Variants in CDIN1 observed in about 807,000 individuals in gnomAD.
CDIN1 encodes the protein CDAN1 interacting nuclease 1, also known as CDAN1-interacting nuclease 1.
A neutral mutation model predicts 45.3 loss-of-function variants in CDIN1; 33 were observed. The ratio of observed to expected loss-of-function variants is 0.73; its 90% confidence interval spans 0.55 to 0.97. CDIN1 has a LOEUF of 0.97. Among genes scored for constraint, CDIN1 ranks in the 50% least tolerant of loss-of-function variants. CDIN1 has a pLI of 0.00. For synonymous variants in CDIN1, 118 were observed against 124.4 expected, an observed-to-expected ratio of 0.95 and a Z score of 0.34; for missense variants, 303 against 339.4, an observed-to-expected ratio of 0.89 and a Z score of 0.84.
chr15:36,743,914 A>G (rs1162310148), intron 10 of CDIN1, among the ~76,000 whole-genome samples: 1 of 150,950 alleles, frequency 6.6e-6, no homozygotes. Flanking sequence ...AAAAAAAAAC[A>G]CGAGGCTGTC....
At chr15:36,581,460 A>G (rs1396349345) in intron 1 of CDIN1, among the ~76,000 whole-genome samples, 1 of 152,140 alleles carries the variant, frequency 6.6e-6, no homozygotes, top group Non-Finnish European at 1.5e-5. Context: ...TTTCTTATTC[A>G]TGATATACTC....
chr15:36,685,610 G>GA lies in CDIN1; in HGVS notation c.347-6074dup, dbSNP rs764617875. On this transcript the variant is annotated intron_variant, in intron 5 of 10. Coordinates refer to ENST00000566621, the MANE Select transcript of CDIN1 (RefSeq NM_001321759.2). ...TGTACAGCAAAAGAAACTACCATCA[G>GA]AGTGAACAGGCAACCTACAAAATGG... Among the ~76,000 whole-genome samples the GA allele has an allele frequency of 2.0e-3, 304 of 152,236 alleles. 1 individual carries two copies. The Middle Eastern group carries it at 0.031, about 15-fold the overall frequency.
At chr15:36,796,165 G>GA (rs1172491170) in intron 10 of CDIN1, among the ~76,000 whole-genome samples, 2 of 152,282 alleles carry the variant, frequency 1.3e-5, no homozygotes, top group East Asian at 3.9e-4. Context: ...ATTTAGTGGA[G>GA]AAGAGTTCAG....
chr15:36,756,251 C>T (rs1272608475), intron 10 of CDIN1: 2 of 385,104 alleles, frequency 5.2e-6, no homozygotes, highest in Non-Finnish European at 1.0e-5. Flanking sequence ...CTGACTGGCA[C>T]ATTTGGCAGT....
At chr15:36,619,062 T>G in intron 1 of CDIN1, 2 of 1,230,636 alleles carry the variant, frequency 1.6e-6, no homozygotes, top group Admixed American at 2.2e-5. Context: ...ACAATGAAGC[T>G]CCTTAGAAGT....
At chr15:36,791,547 A>G (rs1383523449) in intron 10 of CDIN1, among the ~76,000 whole-genome samples, 7 of 152,176 alleles carry the variant, frequency 4.6e-5, no homozygotes, top group Non-Finnish European at 1.0e-4. Context: ...ATTATACCAT[A>G]TATCTGTAGA....
chr15:36,748,876 G>T (rs2053375359), intron 10 of CDIN1, among the ~76,000 whole-genome samples: 1 of 152,118 alleles, frequency 6.6e-6, no homozygotes, highest in African/African-American at 2.4e-5. Context: ...GAAAGGAGTT[G>T]GTTGATTTTC....
intron 1 of CDIN1, among the ~76,000 whole-genome samples, chr15:36,636,502 A>T (rs1182680669): frequency 6.6e-6 from 1 of 152,180 alleles, no homozygotes; most frequent in Non-Finnish European, 1.5e-5. Flanking sequence ...CAGTGAGCCG[A>T]GATGGTGCCA....
At chr15:36,657,559 CT>C (rs1353986923) in intron 4 of CDIN1, among the ~76,000 whole-genome samples, 1 of 152,126 alleles carries the variant, frequency 6.6e-6, no homozygotes, top group Non-Finnish European at 1.5e-5. Context: ...GCCTATTTCA[CT>C]GTTTTAGACG....
At chr15:36,672,493 T>C (rs2041488203) in intron 5 of CDIN1, among the ~76,000 whole-genome samples, 1 of 151,608 alleles carries the variant, frequency 6.6e-6, no homozygotes, top group Non-Finnish European at 1.5e-5. Flanking sequence ...CATACACATA[T>C]AAAGAAATCA....
intron 10 of CDIN1, among the ~76,000 whole-genome samples, chr15:36,725,819 T>A (rs1273423171): frequency 6.6e-6 from 1 of 152,080 alleles, no homozygotes. Flanking sequence ...ATTAATGAAT[T>A]TCTATAAATA....
intron 10 of CDIN1, among the ~76,000 whole-genome samples, chr15:36,746,192 A>G (rs571164728): frequency 1.3e-5 from 2 of 152,266 alleles, no homozygotes; most frequent in East Asian, 3.9e-4. Flanking sequence ...TTAAGCTACC[A>G]TGTAGAAGAC....
chr15:36,748,394 AC>A (rs76226755), intron 10 of CDIN1, among the ~76,000 whole-genome samples: 25,465 of 152,194 alleles, frequency 0.17, 2,468 homozygotes, highest in East Asian at 0.29. Context: ...CAGATGTCTC[AC>A]TTTTCAGTGT....
chr15:36,658,466 T>C (rs1595433698), intron 5 of CDIN1: 1 of 152,326 alleles, frequency 6.6e-6, no homozygotes, highest in African/African-American at 2.4e-5. Flanking sequence ...TCTGGGGATG[T>C]GCTCGTAAAA....
intron 1 of CDIN1, among the ~76,000 whole-genome samples, chr15:36,636,379 C>T (rs1428940703): frequency 6.6e-6 from 1 of 152,062 alleles, no homozygotes; most frequent in Non-Finnish European, 1.5e-5. Flanking sequence ...GGTGAAACCC[C>T]ATCTCTACTA....
At chr15:36,660,894 C>G (rs1178631455) in intron 5 of CDIN1, among the ~76,000 whole-genome samples, 1 of 152,112 alleles carries the variant, frequency 6.6e-6, no homozygotes, top group East Asian at 1.9e-4. Flanking sequence ...TTTATCTGTT[C>G]AATTGAATTA....
intron 10 of CDIN1, among the ~76,000 whole-genome samples, chr15:36,804,162 C>T (rs1004346279): frequency 1.3e-5 from 2 of 150,276 alleles, no homozygotes; most frequent in Non-Finnish European, 2.9e-5. Context: ...TTAAGTGGTT[C>T]GATATATATA....
At chr15:36,764,525 A>G (rs2053860469) in intron 10 of CDIN1, among the ~76,000 whole-genome samples, 1 of 152,220 alleles carries the variant, frequency 6.6e-6, no homozygotes, top group South Asian at 2.1e-4. Flanking sequence ...TTTATCTGCT[A>G]CATAGAATCT....
Position 36,746,908 on chromosome 15 carries a change from C to G in CDIN1, c.716+36947C>G, listed in dbSNP as rs7170999. On this transcript the variant is annotated intron_variant, in intron 10 of 10. Transcript: ENST00000566621. ...GGGACTGCAGGTGCATGCCACCATGCCCAGCTAATTTTTCTATGTTTTGTA... is the reference window on the plus strand; with the variant it reads ...GGGACTGCAGGTGCATGCCACCATGGCCAGCTAATTTTTCTATGTTTTGTA... 117,981 of 397,204 alleles carry G rather than the reference C, an allele frequency of 0.3. 17,955 individuals carry two copies. The highest frequency in any genetic ancestry group is 0.43 in the East Asian group (11,987 of 27,980). 24.6% of individuals were successfully genotyped at this position (397,204 alleles called of 1,614,324 possible). A position where few individuals can be genotyped will look rare whatever the true frequency, so the allele number is the denominator to read the frequency against.
Sources: gnomAD v4.1 joint callset for allele counts (sites outside exome capture counted in the v4.1 genomes callset) on GRCh38, gnomAD v4.1.1 for gene constraint, MANE v1.5 for transcripts, NCBI Gene and HGNC (gene_info 2026-07-23, HGNC 2026-07-21) for gene names.